Variants in STXBP5L observed in about 807,000 individuals in gnomAD.
The protein encoded by STXBP5L is syntaxin binding protein 5L.
Under a neutral mutation model 144.5 loss-of-function variants are expected in STXBP5L, and 65 were observed. The observed-to-expected ratio is 0.45, with a 90% CI of 0.37 to 0.55. STXBP5L has a LOEUF of 0.55. Ranked by LOEUF, STXBP5L falls within the 20% of genes least tolerant of loss-of-function variation. The probability of loss-of-function intolerance (pLI) is 0.00; values close to 1 mark genes in which losing one functional copy is unlikely to be tolerated. For synonymous variants in STXBP5L, 505 were observed against 469.6 expected, an observed-to-expected ratio of 1.08 and a Z score of -0.97; for missense variants, 1,298 against 1,405.5, an observed-to-expected ratio of 0.92 and a Z score of 1.22.
intron 11 of STXBP5L, among the ~76,000 whole-genome samples, chr3:121,227,500 T>C (rs2049157750): frequency 6.6e-6 from 1 of 152,146 alleles, no homozygotes; most frequent in Non-Finnish European, 1.5e-5. Flanking sequence ...GGATCAAGCT[T>C]GAGCCCAGGA....
At chr3:121,125,305 C>CAA (rs1461207287) in intron 7 of STXBP5L, among the ~76,000 whole-genome samples, 2 of 151,930 alleles carry the variant, frequency 1.3e-5, no homozygotes, top group Non-Finnish European at 2.9e-5. Flanking sequence ...CCTGTCTCTA[C>CAA]CAAAAACACA....
chr3:121,343,784 G>A (rs1026271077), intron 20 of STXBP5L, among the ~76,000 whole-genome samples: 1 of 152,120 alleles, frequency 6.6e-6, no homozygotes, highest in African/African-American at 2.4e-5. Context: ...CCATGCTCAT[G>A]GGTAGGAAGA....
intron 3 of STXBP5L, among the ~76,000 whole-genome samples, chr3:120,958,822 G>C (rs1938366750): frequency 6.6e-6 from 1 of 152,150 alleles, no homozygotes; most frequent in Admixed American, 6.5e-5. Flanking sequence ...AAAACTGGAA[G>C]CATTCCCTTT....
intron 3 of STXBP5L, among the ~76,000 whole-genome samples, chr3:120,965,150 C>G (rs1167273701): frequency 6.6e-6 from 1 of 152,076 alleles, no homozygotes; most frequent in African/African-American, 2.4e-5. Context: ...TCCTCCATCT[C>G]TTTATTTTGA....
chr3:121,152,532 G>C lies in STXBP5L; in HGVS notation c.725G>C (p.Arg242Thr). ...GTATTCTGGGACTTGAAATCTAAAA[G>C]AGCAGAACTGAGAGTTTATTATGAT... ...TVVFWDLKSK[R>T]AELRVYYDEA... The change falls in exon 8 of 27, where the codon AGA becomes ACA. Residue 242 changes from arginine to threonine, a missense_variant. Transcript: ENST00000471454. 6.2e-7 allele frequency: 1 copy of C among 1,608,092 alleles called. No individual in the cohort carries two copies. Among genetic ancestry groups the C allele is most frequent in the South Asian group, 1.1e-5 (1 of 90,490 alleles).
chr3:120,958,445 G>A (rs529485877), intron 3 of STXBP5L, among the ~76,000 whole-genome samples: 1 of 152,220 alleles, frequency 6.6e-6, no homozygotes, highest in South Asian at 2.1e-4. Context: ...GGCTGACAGA[G>A]ACACAACAAA....
At chr3:121,309,968 A>G (rs545415502) in intron 19 of STXBP5L, among the ~76,000 whole-genome samples, 1 of 152,338 alleles carries the variant, frequency 6.6e-6, no homozygotes, top group African/African-American at 2.4e-5. Flanking sequence ...TGGTAATTGA[A>G]AAAAAGATAA....
At chr3:121,324,344 G>A (rs1038896181) in intron 20 of STXBP5L, 34 of 506,602 alleles carry the variant, frequency 6.7e-5, no homozygotes, top group South Asian at 9.7e-5. Flanking sequence ...CTTTGTTGGA[G>A]CAGTATTTAT....
chr3:120,973,361 G>A (rs1940504963), intron 3 of STXBP5L, among the ~76,000 whole-genome samples: 2 of 151,678 alleles, frequency 1.3e-5, no homozygotes, highest in African/African-American at 4.8e-5. Context: ...GAGTGTAGAG[G>A]TGCTCATAAT....
intron 2 of STXBP5L, among the ~76,000 whole-genome samples, chr3:120,938,580 A>C (rs1710390307): frequency 6.6e-6 from 1 of 152,172 alleles, no homozygotes; most frequent in South Asian, 2.1e-4. Context: ...TCAATGGTTG[A>C]TCTTGACTCT....
chr3:121,402,785 A>G (rs753508470), intron 22 of STXBP5L, among the ~76,000 whole-genome samples: 2 of 152,058 alleles, frequency 1.3e-5, no homozygotes, highest in Non-Finnish European at 1.5e-5. Flanking sequence ...CAACAATTGC[A>G]TATTTTCTTG....
intron 5 of STXBP5L, among the ~76,000 whole-genome samples, chr3:121,053,539 G>C (rs1345970142): frequency 2.0e-5 from 3 of 151,970 alleles, no homozygotes; most frequent in Non-Finnish European, 4.4e-5. Flanking sequence ...GGCTAGACAT[G>C]TGTAGAAAGC....
chr3:121,187,559 A>G (rs2047443470), intron 9 of STXBP5L, among the ~76,000 whole-genome samples: 2 of 150,948 alleles, frequency 1.3e-5, no homozygotes, highest in Non-Finnish European at 2.9e-5. Flanking sequence ...AAAATATAAT[A>G]AAAATAAAAA....
At chr3:121,282,182 A>T in intron 19 of STXBP5L, 1 of 1,092,504 alleles carries the variant, frequency 9.2e-7, no homozygotes, top group Non-Finnish European at 1.4e-6. Context: ...AGATTCTGGT[A>T]TGATATCACT....
intron 18 of STXBP5L, among the ~76,000 whole-genome samples, chr3:121,270,434 T>G (rs1324315772): frequency 6.6e-6 from 1 of 152,072 alleles, no homozygotes; most frequent in Admixed American, 6.6e-5. Context: ...CTTCTTAGTC[T>G]CCTTTAATCG....
chr3:121,218,065 C>A (rs1172766919), intron 10 of STXBP5L, among the ~76,000 whole-genome samples: 1 of 139,374 alleles, frequency 7.2e-6, no homozygotes, highest in African/African-American at 2.7e-5. Flanking sequence ...TATATATACA[C>A]TATATACAGT....
At chr3:121,173,696 A>T (rs1021721690) in intron 9 of STXBP5L, among the ~76,000 whole-genome samples, 1 of 152,154 alleles carries the variant, frequency 6.6e-6, no homozygotes, top group Admixed American at 6.6e-5. Context: ...AGGAAGAGAA[A>T]ATACATTTAG....
intron 20 of STXBP5L, among the ~76,000 whole-genome samples, chr3:121,320,077 T>A (rs927980245): frequency 1.3e-5 from 2 of 152,226 alleles, no homozygotes; most frequent in Non-Finnish European, 2.9e-5. Context: ...ATGCTTAGAT[T>A]TTTATTATGA....
At chr3:121,315,715 G>C (rs898493156) in intron 19 of STXBP5L, among the ~76,000 whole-genome samples, 2 of 151,952 alleles carry the variant, frequency 1.3e-5, no homozygotes, top group Non-Finnish European at 2.9e-5. Flanking sequence ...AATCATCATG[G>C]AAGGGGCCAG....
Sources: allele counts gnomAD v4.1 joint callset (sites outside exome capture counted in the v4.1 genomes callset), GRCh38; gene constraint gnomAD v4.1.1; transcripts MANE v1.5; gene names NCBI Gene and HGNC (gene_info 2026-07-23, HGNC 2026-07-21).